Variants in SLC23A2 observed in about 807,000 individuals in gnomAD.
The protein encoded by SLC23A2 is Na(+)/L-ascorbic acid transporter 2.
A neutral mutation model predicts 73.3 loss-of-function variants in SLC23A2; 36 were observed. The ratio of observed to expected loss-of-function variants is 0.49; its 90% confidence interval spans 0.38 to 0.65. The LOEUF (loss-of-function observed/expected upper bound fraction) is 0.65. SLC23A2 is among the 30% of genes least tolerant of loss of function. The pLI is 0.00. For missense variants in SLC23A2, 507 were observed against 841.6 expected (o/e 0.60, Z 4.92); for synonymous variants, 343 against 327.3 (o/e 1.05, Z -0.52).
At position 4,932,517 on chromosome 20, in the gene SLC23A2, C is replaced by T. The variant is rs1932801012; in HGVS notation, c.46G>A (p.Gly16Arg). The change falls in exon 3 of 17, where the codon GGA becomes AGA. Residue 16 changes from glycine to arginine, a missense_variant. Coordinates refer to ENST00000338244, the MANE Select transcript of SLC23A2 (RefSeq NM_005116.6). ...TCGTATTTGCCTTCTGTTGAACTTC[C>T]AGCCTCCATTGATTTGGATGTGGTA... is the stretch of plus-strand genomic sequence containing the variant. ...KNTTSKSMEA[G>R]SSTEGKYEDE... The T allele has an allele frequency of 6.2e-7, 1 of 1,610,636 alleles. No individual in the cohort carries two copies. The highest frequency in any genetic ancestry group is 8.5e-7 in the Non-Finnish European group (1 of 1,176,818).
At chr20:4,891,827 T>C (rs1461106029) in intron 6 of SLC23A2, among the ~76,000 whole-genome samples, 1 of 152,208 alleles carries the variant, frequency 6.6e-6, no homozygotes, top group Non-Finnish European at 1.5e-5. Context: ...CACAGCTCAC[T>C]GTAGCCTTGA....
At chr20:4,993,955 T>A (rs1519861) in intron 1 of SLC23A2, among the ~76,000 whole-genome samples, 51,558 of 151,702 alleles carry the variant, frequency 0.34, 9,592 homozygotes, top group Admixed American at 0.41. Flanking sequence ...TTGGGTGTAG[T>A]GGTACATGCC....
At chr20:4,867,087 A>G (rs1019515168) in intron 13 of SLC23A2, among the ~76,000 whole-genome samples, 3 of 124,716 alleles carry the variant, frequency 2.4e-5, no homozygotes, top group African/African-American at 9.2e-5. Context: ...AAAAAATCTG[A>G]CCAAGCTGCT....
chr20:4,920,217 T>A (rs1168730590), intron 3 of SLC23A2, among the ~76,000 whole-genome samples: 1 of 152,168 alleles, frequency 6.6e-6, no homozygotes, highest in African/African-American at 2.4e-5. Flanking sequence ...GCCGAGAACA[T>A]GACACTGCAC....
At chr20:4,967,751 C>A (rs2087496419) in intron 2 of SLC23A2, among the ~76,000 whole-genome samples, 1 of 152,184 alleles carries the variant, frequency 6.6e-6, no homozygotes, top group South Asian at 2.1e-4. Context: ...AGTGTTTGAT[C>A]CAGTTTATAA....
At chr20:4,935,709 G>A (rs1422283936) in intron 2 of SLC23A2, among the ~76,000 whole-genome samples, 1 of 152,110 alleles carries the variant, frequency 6.6e-6, no homozygotes, top group Non-Finnish European at 1.5e-5. Flanking sequence ...TGAGGCAGGA[G>A]AATGGCGTGA....
intron 1 of SLC23A2, among the ~76,000 whole-genome samples, chr20:4,988,891 C>G (rs2087876790): frequency 6.6e-6 from 1 of 151,490 alleles, no homozygotes; most frequent in Admixed American, 6.6e-5. Context: ...AGCTGAGCAG[C>G]AAGAGTGAGA....
chr20:4,935,529 T>C (rs2086948803), intron 2 of SLC23A2, among the ~76,000 whole-genome samples: 1 of 152,176 alleles, frequency 6.6e-6, no homozygotes, highest in Non-Finnish European at 1.5e-5. Context: ...CCGGGCGCAG[T>C]GGTTCACGCC....
chr20:4,975,682 GTT>G (rs200955021), intron 1 of SLC23A2, among the ~76,000 whole-genome samples: 1 of 142,026 alleles, frequency 7.0e-6, no homozygotes, highest in Admixed American at 7.0e-5. Flanking sequence ...TGCCCCGCCT[GTT>G]TTTTTTTTTT....
intron 2 of SLC23A2, among the ~76,000 whole-genome samples, chr20:4,958,360 T>C (rs1214507346): frequency 6.6e-6 from 1 of 152,146 alleles, no homozygotes; most frequent in East Asian, 1.9e-4. Context: ...ATTTAAAGCC[T>C]AGAGGGGAGG....
chr20:4,984,850 T>C (rs1240497058), intron 1 of SLC23A2, among the ~76,000 whole-genome samples: 1 of 151,596 alleles, frequency 6.6e-6, no homozygotes, highest in Non-Finnish European at 1.5e-5. Flanking sequence ...ATGTTAAACA[T>C]AGAATCGGCC....
At chr20:4,942,640 C>T (rs1519860) in intron 2 of SLC23A2, among the ~76,000 whole-genome samples, 16,782 of 152,116 alleles carry the variant, frequency 0.11, 1,351 homozygotes, top group African/African-American at 0.22. Flanking sequence ...TCATTTTATC[C>T]GACCATCTCT....
intron 13 of SLC23A2, among the ~76,000 whole-genome samples, chr20:4,867,237 A>G (rs756082516): frequency 1.3e-5 from 2 of 151,590 alleles, no homozygotes; most frequent in Non-Finnish European, 2.9e-5. Flanking sequence ...CTGACCTTCC[A>G]CTTCCAGGAT....
At chr20:4,970,353 C>T (rs1156717821) in intron 2 of SLC23A2, among the ~76,000 whole-genome samples, 1 of 152,040 alleles carries the variant, frequency 6.6e-6, no homozygotes, top group Non-Finnish European at 1.5e-5. Flanking sequence ...GCATTTAGAC[C>T]GTTCTCAACA....
chr20:4,956,387 T>TTCA (rs942236196), intron 2 of SLC23A2, among the ~76,000 whole-genome samples: 13 of 152,182 alleles, frequency 8.5e-5, no homozygotes, highest in Non-Finnish European at 1.8e-4. Context: ...AGCAAATGCA[T>TTCA]TAACAGCACC....
intron 1 of SLC23A2, among the ~76,000 whole-genome samples, chr20:4,982,152 G>A (rs535355404): frequency 2.0e-5 from 3 of 151,392 alleles, no homozygotes; most frequent in South Asian, 2.1e-4. Flanking sequence ...GTATCACCAC[G>A]CCCAGCTAAT....
chr20:4,929,218 A>C (rs1019009170), intron 3 of SLC23A2, among the ~76,000 whole-genome samples: 2 of 151,628 alleles, frequency 1.3e-5, no homozygotes, highest in Non-Finnish European at 2.9e-5. Context: ...GTGAGCTGTG[A>C]TTGCTCCACT....
chr20:4,897,228 T>C (rs765362540), intron 6 of SLC23A2, among the ~76,000 whole-genome samples: 13 of 151,974 alleles, frequency 8.6e-5, no homozygotes, highest in African/African-American at 1.2e-4. Flanking sequence ...CCGACAACCA[T>C]AGAAAACCCC....
At position 4,867,057 on chromosome 20, in the gene SLC23A2, TAAAAAAA is replaced by T. The variant is rs71197732; in HGVS notation, c.1356+706_1356+712del. Among the ~76,000 whole-genome samples the T allele has an allele frequency of 1.6e-4, 12 of 76,504 alleles. No homozygotes were observed. The Admixed American group carries it at 1.8e-3, about 12-fold the overall frequency. The allele number at this position is 76,504 out of a possible 152,430, so 50.2% of individuals were successfully genotyped here. ...TCATCACTGCAGTCAAAGCGATCCC[TAAAAAAA>T]AAAAAAAAAAAAAAAAAATCTGACC... is the stretch of plus-strand genomic sequence containing the variant. On this transcript the variant is annotated intron_variant, in intron 13 of 16. Coordinates refer to ENST00000338244, the MANE Select transcript of SLC23A2 (RefSeq NM_005116.6).
Sources: allele counts gnomAD v4.1 joint callset (sites outside exome capture counted in the v4.1 genomes callset), GRCh38; gene constraint gnomAD v4.1.1; transcripts MANE v1.5; gene names NCBI Gene and HGNC (gene_info 2026-07-23, HGNC 2026-07-21).